The following KCNMA1 variants were observed in gnomAD, a reference collection of about 807,000 sequenced individuals.
KCNMA1 encodes potassium calcium-activated channel subfamily M alpha 1.
Under a neutral mutation model 140.0 loss-of-function variants are expected in KCNMA1, and 29 were observed. That is an observed-to-expected ratio of 0.21 (90% confidence interval 0.15 to 0.28). The LOEUF is 0.28. KCNMA1 is among the 10% of genes least tolerant of loss of function. KCNMA1 has a pLI of 1.00. For missense variants in KCNMA1, 880 were observed against 1,602.2 expected (o/e 0.55, Z 7.70); for synonymous variants, 612 against 611.9 (o/e 1.00, Z 0.00).
chr10:77,506,585 G>GAA (rs2045931639), intron 1 of KCNMA1, among the ~76,000 whole-genome samples: 2 of 110,730 alleles, frequency 1.8e-5, no homozygotes. Context: ...GAGAGAGAGA[G>GAA]AGAGAGAGAG....
intron 1 of KCNMA1, among the ~76,000 whole-genome samples, chr10:77,462,794 G>C (rs2097903322): frequency 6.6e-6 from 1 of 152,200 alleles, no homozygotes; most frequent in African/African-American, 2.4e-5. Context: ...CCTGGGCCTT[G>C]GGTCCATGGG....
At chr10:77,550,645 G>T (rs1010177977) in intron 1 of KCNMA1, among the ~76,000 whole-genome samples, 5 of 152,198 alleles carry the variant, frequency 3.3e-5, no homozygotes, top group Non-Finnish European at 7.3e-5. Flanking sequence ...GAACCAGGCC[G>T]CGTCTGGGCA....
At chr10:77,188,413 AAG>A (rs1300282474) in intron 3 of KCNMA1, among the ~76,000 whole-genome samples, 1 of 152,212 alleles carries the variant, frequency 6.6e-6, no homozygotes, top group Non-Finnish European at 1.5e-5. Context: ...TAGAGAATAT[AAG>A]ATACTTGGTA....
intron 1 of KCNMA1, among the ~76,000 whole-genome samples, chr10:77,476,689 G>A (rs1417701748): frequency 1.3e-5 from 2 of 152,172 alleles, no homozygotes; most frequent in Admixed American, 6.5e-5. Flanking sequence ...AGGTGCATGT[G>A]CCCAGGTAAG....
At chr10:76,877,473 T>C (rs1439725436), downstream of KCNMA1, 11 of 169,448 alleles carry the variant, frequency 6.5e-5, no homozygotes, top group Non-Finnish European at 8.8e-5. Context: ...ATATTTTCTT[T>C]CTAATAAATA....
chr10:77,533,134 A>C (rs977772379), intron 1 of KCNMA1, among the ~76,000 whole-genome samples: 3 of 152,206 alleles, frequency 2.0e-5, no homozygotes, highest in Non-Finnish European at 4.4e-5. Flanking sequence ...TCGTGCATTC[A>C]ACAAACCAGG....
intron 1 of KCNMA1, among the ~76,000 whole-genome samples, chr10:77,626,194 GA>G (rs1245347288): frequency 6.6e-6 from 1 of 151,828 alleles, no homozygotes; most frequent in African/African-American, 2.4e-5. Flanking sequence ...ACAGGGTTGT[GA>G]AAGAACTTAA....
chr10:77,376,390 G>A (rs1178139544), intron 2 of KCNMA1: 1 of 152,168 alleles, frequency 6.6e-6, no homozygotes, highest in East Asian at 1.9e-4. Context: ...AGGGAACCCT[G>A]TAATGGAACA....
intron 1 of KCNMA1, among the ~76,000 whole-genome samples, chr10:77,563,254 C>T (rs929356148): frequency 6.6e-6 from 1 of 152,120 alleles, no homozygotes; most frequent in African/African-American, 2.4e-5. Flanking sequence ...AATCAATAGC[C>T]GGGGTGAGAA....
intron 2 of KCNMA1, among the ~76,000 whole-genome samples, chr10:77,269,013 T>TATA (rs1280324989): frequency 6.6e-6 from 1 of 152,110 alleles, no homozygotes; most frequent in Non-Finnish European, 1.5e-5. Flanking sequence ...CAAGCCTTGA[T>TATA]ATAAGCTGCT....
chr10:77,563,583 T>A (rs1328656347), intron 1 of KCNMA1, among the ~76,000 whole-genome samples: 1 of 150,192 alleles, frequency 6.7e-6, no homozygotes, highest in Non-Finnish European at 1.5e-5. Flanking sequence ...CCTTCTACCC[T>A]CCCTCCATCC....
chr10:76,911,978 A>G (rs2050499329), intron 24 of KCNMA1: 1 of 152,238 alleles, frequency 6.6e-6, no homozygotes, highest in African/African-American at 2.4e-5. Context: ...GGTACCAGAT[A>G]TGGAGGTGAA....
chr10:77,382,990 G>GTA (rs1401181000), intron 2 of KCNMA1, among the ~76,000 whole-genome samples: 1 of 42,580 alleles, frequency 2.3e-5, no homozygotes, highest in African/African-American at 1.8e-4. Context: ...GTGTGTGTGT[G>GTA]TGTGTATATA....
chr10:77,455,466 C>T (rs1208154601), intron 1 of KCNMA1, among the ~76,000 whole-genome samples: 3 of 152,140 alleles, frequency 2.0e-5, no homozygotes, highest in African/African-American at 7.2e-5. Flanking sequence ...ACTTTGAGTG[C>T]TCCTTTGCCA....
chr10:77,148,461 G>C (rs1203968263), intron 5 of KCNMA1: 1 of 152,130 alleles, frequency 6.6e-6, no homozygotes, highest in Non-Finnish European at 1.5e-5. Flanking sequence ...AAGGGCCTCA[G>C]GTATCATGAG....
intron 5 of KCNMA1, among the ~76,000 whole-genome samples, chr10:77,178,780 C>T (rs2098776669): frequency 6.6e-6 from 1 of 152,170 alleles, no homozygotes; most frequent in African/African-American, 2.4e-5. Context: ...GGGATACATT[C>T]CCAAAAGAGA....
intron 1 of KCNMA1, among the ~76,000 whole-genome samples, chr10:77,439,141 A>AGAAGAGAAGG (rs1176896537): frequency 1.4e-5 from 2 of 142,090 alleles, no homozygotes; most frequent in Middle Eastern, 3.4e-3. Context: ...AGAAGAGAAG[A>AGAAGAGAAGG]GAAGAGAAAA....
intron 14 of KCNMA1, among the ~76,000 whole-genome samples, chr10:77,050,582 C>T (rs1359468040): frequency 6.6e-6 from 1 of 152,152 alleles, no homozygotes; most frequent in African/African-American, 2.4e-5. Context: ...GTATGTCACC[C>T]AAGTGTCTTG....
At position 77,073,136 on chromosome 10, in the gene KCNMA1, G is replaced by A; in HGVS notation, c.1710C>T (p.Thr570=). Residue 570 remains threonine (T), a synonymous_variant, in exon 14 of 28, where the codon ACC becomes ACT. Coordinates refer to ENST00000286628, the MANE Select transcript of KCNMA1 (RefSeq NM_001161352.2). ...TCATGGAGAAGAGGTTGGCAAGCAT[G>A]GTGGAGAGGCCTTGAGCCAGGCAGC... ...AQSCLAQGLS[T]MLANLFSMRS... 1 of 1,614,180 alleles carries A rather than the reference G, an allele frequency of 6.2e-7. No homozygotes were observed. The highest frequency in any genetic ancestry group is 8.5e-7 in the Non-Finnish European group (1 of 1,180,000).
Sources: allele counts gnomAD v4.1 joint callset (sites outside exome capture counted in the v4.1 genomes callset), GRCh38; gene constraint gnomAD v4.1.1; transcripts MANE v1.5; gene names NCBI Gene and HGNC (gene_info 2026-07-23, HGNC 2026-07-21).